Variants in ADAM22 observed in about 807,000 individuals in gnomAD.
ADAM22 encodes disintegrin and metalloproteinase domain-containing protein 22.
A neutral mutation model predicts 144.6 loss-of-function variants in ADAM22; 65 were observed. The ratio of observed to expected loss-of-function variants is 0.45; its 90% confidence interval spans 0.37 to 0.55. The LOEUF (loss-of-function observed/expected upper bound fraction) is 0.55. Ranked by LOEUF, ADAM22 falls within the 20% of genes least tolerant of loss-of-function variation. ADAM22 has a pLI of 0.00. For missense variants in ADAM22, 974 were observed against 1,184.9 expected (o/e 0.82, Z 2.61); for synonymous variants, 391 against 412.6 (o/e 0.95, Z 0.63).
intron 2 of ADAM22, among the ~76,000 whole-genome samples, chr7:87,949,504 C>A (rs1020736933): frequency 3.3e-5 from 5 of 152,190 alleles, no homozygotes; most frequent in African/African-American, 1.2e-4. Flanking sequence ...ACTTTATTCA[C>A]CAGACTTTGT....
chr7:87,935,124 G>A lies in ADAM22; in HGVS notation c.184G>A (p.Glu62Lys), dbSNP rs989379099. The change falls in exon 2 of 32, where the codon GAA becomes AAA. Residue 62 changes from glutamate (E) to lysine (K), a missense_variant. Glu to Lys is a moderately conservative substitution (Grantham distance 56, BLOSUM62 1). Transcript: ENST00000413139. Reference sequence around the variant, plus strand: ...GCGCCTCATCTACCGCTCGGGCGGCGAAGACGAAAGTCGGCACGACGCGCT... The same window carrying A: ...GCGCCTCATCTACCGCTCGGGCGGCAAAGACGAAAGTCGGCACGACGCGCT... ...PLRLIYRSGG[E>K]DESRHDALDT... is the part of the protein sequence containing the mutation. 4 of 1,613,624 alleles carry A rather than the reference G, an allele frequency of 2.5e-6. No homozygotes were observed. The African/African-American group carries it at 5.3e-5, about 22-fold the overall frequency.
rs535482689 is a variant in ADAM22 at position 88,050,140 on chromosome 7, T to C, written c.324-25486T>C. 2.2e-4 allele frequency among the ~76,000 whole-genome samples: 33 copies of C among 150,024 alleles called. 1 individual carries two copies. Among genetic ancestry groups the C allele is most frequent in the Non-Finnish European group, 4.4e-4 (30 of 67,724 alleles). On this transcript the variant is annotated intron_variant, in intron 3 of 31. Coordinates refer to ENST00000413139, the MANE Select transcript of ADAM22 (RefSeq NM_001324418.2). ...GGCTCACACATGTAATCCAAGCACA[T>C]TGGGAGGCCAAGGCAGGAAGATAAC...
chr7:88,157,741 A>G (rs1375427465), intron 22 of ADAM22, among the ~76,000 whole-genome samples: 5 of 152,176 alleles, frequency 3.3e-5, no homozygotes, highest in African/African-American at 9.7e-5. Flanking sequence ...CTTCATAAAT[A>G]ACAAAAGAAT....
chr7:88,181,856 G>A (rs534943427), intron 28 of ADAM22, 102 bp from the exon 29 acceptor site: 1 of 1,061,910 alleles, frequency 9.4e-7, no homozygotes, highest in East Asian at 2.4e-5. Context: ...GTGTTCCACA[G>A]TGGTGCTGCT....
chr7:88,009,843 T>C (rs1346952808), intron 3 of ADAM22, among the ~76,000 whole-genome samples: 1 of 152,160 alleles, frequency 6.6e-6, no homozygotes, highest in East Asian at 1.9e-4. Flanking sequence ...TTTTGTTGAT[T>C]GAGTCAGCAC....
chr7:87,953,274 C>A (rs1845731296), intron 2 of ADAM22, among the ~76,000 whole-genome samples: 2 of 151,808 alleles, frequency 1.3e-5, no homozygotes, highest in South Asian at 4.2e-4. Context: ...CTCTTGTGGG[C>A]ATTTAGTGCT....
chr7:88,041,702 G>A (rs1267151782), intron 3 of ADAM22, among the ~76,000 whole-genome samples: 3 of 151,892 alleles, frequency 2.0e-5, no homozygotes, highest in Non-Finnish European at 4.4e-5. Context: ...CCCTAGCCCA[G>A]GTAAAGTGTA....
chr7:87,943,602 C>T (rs1457156159), intron 2 of ADAM22, among the ~76,000 whole-genome samples: 3 of 152,020 alleles, frequency 2.0e-5, no homozygotes, highest in African/African-American at 7.2e-5. Context: ...TTGATTTTAT[C>T]ATTAGAGTTC....
intron 27 of ADAM22, 54 bp from the exon 28 acceptor site, chr7:88,181,451 A>G: frequency 1.3e-6 from 2 of 1,510,924 alleles, no homozygotes; most frequent in Non-Finnish European, 1.8e-6. Flanking sequence ...TACTGATCTC[A>G]AAACATTCAT....
At chr7:88,192,215 A>T (rs3789234) in intron 30 of ADAM22, among the ~76,000 whole-genome samples, 30,674 of 152,130 alleles carry the variant, frequency 0.2, 3,276 homozygotes, top group Admixed American at 0.29. Context: ...ACCACCTTGC[A>T]CCATGGATTA....
At chr7:87,941,144 G>T (rs866245330) in intron 2 of ADAM22, among the ~76,000 whole-genome samples, 2 of 152,066 alleles carry the variant, frequency 1.3e-5, no homozygotes, top group East Asian at 1.9e-4. Context: ...AGCCTTTGTT[G>T]TCAGTGAATA....
intron 4 of ADAM22, among the ~76,000 whole-genome samples, chr7:88,078,431 T>G (rs1005662130): frequency 2.6e-5 from 4 of 152,262 alleles, no homozygotes; most frequent in Non-Finnish European, 4.4e-5. Context: ...ACTCTAAAAA[T>G]CAGAGTGCCT....
At chr7:88,038,770 TTTC>T (rs933231841) in intron 3 of ADAM22, among the ~76,000 whole-genome samples, 16 of 151,498 alleles carry the variant, frequency 1.1e-4, no homozygotes, top group African/African-American at 3.4e-4. Flanking sequence ...ATAATAGATA[TTTC>T]TTCTTCTTCT....
chr7:88,174,651 A>G (rs1266847275), intron 26 of ADAM22, among the ~76,000 whole-genome samples: 1 of 152,182 alleles, frequency 6.6e-6, no homozygotes, highest in East Asian at 1.9e-4. Context: ...ACTTAGATAC[A>G]TAAAACATTC....
chr7:88,116,511 A>G (rs1827801002), intron 6 of ADAM22, among the ~76,000 whole-genome samples: 1 of 152,146 alleles, frequency 6.6e-6, no homozygotes, highest in African/African-American at 2.4e-5. Context: ...GTTTTCCATT[A>G]CTGTAGGCTT....
At chr7:88,182,564 A>G (rs1847346564) in intron 29 of ADAM22, among the ~76,000 whole-genome samples, 1 of 152,204 alleles carries the variant, frequency 6.6e-6, no homozygotes, top group Admixed American at 6.5e-5. Context: ...GCATTTTCCT[A>G]AACTTGCTCT....
At chr7:88,147,404 A>T (rs915262630) in intron 17 of ADAM22, among the ~76,000 whole-genome samples, 2 of 152,244 alleles carry the variant, frequency 1.3e-5, no homozygotes, top group African/African-American at 2.4e-5. Context: ...TGCTTTTTCT[A>T]TAAAGAGCCA....
intron 4 of ADAM22, among the ~76,000 whole-genome samples, chr7:88,099,871 G>A (rs1332342442): frequency 6.6e-6 from 1 of 151,978 alleles, no homozygotes; most frequent in African/African-American, 2.4e-5. Context: ...TGCCATATAT[G>A]AAAACAACCC....
intron 3 of ADAM22, among the ~76,000 whole-genome samples, chr7:88,025,159 G>A (rs1798738055): frequency 2.6e-5 from 4 of 152,150 alleles, no homozygotes; most frequent in Non-Finnish European, 4.4e-5. Flanking sequence ...CTAGTTTACA[G>A]TCCCACCAAC....
Sources: allele counts gnomAD v4.1 joint callset (sites outside exome capture counted in the v4.1 genomes callset), GRCh38; gene constraint gnomAD v4.1.1; transcripts MANE v1.5; gene names NCBI Gene and HGNC (gene_info 2026-07-23, HGNC 2026-07-21).